Variants in RASAL2 observed in about 807,000 individuals in gnomAD.
The protein encoded by RASAL2 is ras GTPase-activating protein nGAP.
RASAL2 carries 58 observed loss-of-function variants against 128.9 expected under a neutral mutation model. The observed-to-expected ratio is 0.45, with a 90% CI of 0.36 to 0.56. The LOEUF (loss-of-function observed/expected upper bound fraction) is 0.56. Ranked by LOEUF, RASAL2 falls within the 20% of genes least tolerant of loss-of-function variation. The probability of loss-of-function intolerance (pLI) is 0.00; values close to 1 mark genes in which losing one functional copy is unlikely to be tolerated. For synonymous variants in RASAL2, 561 were observed against 580.8 expected (o/e 0.97, Z 0.49); for missense variants, 1,360 against 1,601.6 (o/e 0.85, Z 2.57).
intron 3 of RASAL2, among the ~76,000 whole-genome samples, chr1:178,320,255 G>T (rs1668693412): frequency 6.6e-6 from 1 of 152,134 alleles, no homozygotes; most frequent in South Asian, 2.1e-4. Flanking sequence ...TTGTTTGTCT[G>T]TGCCCTGCCC....
At chr1:178,367,811 G>A (rs1245246240) in intron 3 of RASAL2, among the ~76,000 whole-genome samples, 4 of 152,124 alleles carry the variant, frequency 2.6e-5, no homozygotes, top group Non-Finnish European at 4.4e-5. Flanking sequence ...GAAATAAAAC[G>A]TTATTTGACC....
At chr1:178,247,891 C>A (rs984325147) in intron 1 of RASAL2, among the ~76,000 whole-genome samples, 2 of 152,164 alleles carry the variant, frequency 1.3e-5, no homozygotes, top group Non-Finnish European at 2.9e-5. Flanking sequence ...GAGTGAGTTT[C>A]TTAATCCTGA....
chr1:178,470,738 C>T (rs569990662), intron 17 of RASAL2: 13 of 1,364,862 alleles, frequency 9.5e-6, no homozygotes, highest in Admixed American at 3.8e-5. Context: ...GTAAACCCCG[C>T]GTCCGTTCTC....
intron 1 of RASAL2, among the ~76,000 whole-genome samples, chr1:178,255,650 A>G (rs12065186): frequency 2.6e-5 from 4 of 152,024 alleles, no homozygotes; most frequent in Non-Finnish European, 4.4e-5. Context: ...TTCTAGTGAG[A>G]TATGTATGGT....
intron 3 of RASAL2, among the ~76,000 whole-genome samples, chr1:178,337,597 C>T (rs1010977636): frequency 5.3e-5 from 8 of 152,128 alleles, no homozygotes; most frequent in Non-Finnish European, 7.4e-5. Context: ...CAAGAGCCAG[C>T]ACACTTACAG....
intron 4 of RASAL2, chr1:178,412,032 T>A: frequency 4.0e-5 from 16 of 395,068 alleles, no homozygotes; most frequent in South Asian, 1.5e-4. Flanking sequence ...CTCCTCAAAA[T>A]ACTTTCTGAA....
chr1:178,132,766 A>AT (rs35326037), intron 1 of RASAL2, among the ~76,000 whole-genome samples: 2,859 of 130,058 alleles, frequency 0.022, 71 homozygotes, highest in Non-Finnish European at 0.026. Context: ...ACAATTCAGA[A>AT]TTTTTTTTTT....
intron 1 of RASAL2, among the ~76,000 whole-genome samples, chr1:178,202,725 G>C (rs753005261): frequency 6.6e-6 from 1 of 152,208 alleles, no homozygotes; most frequent in Non-Finnish European, 1.5e-5. Flanking sequence ...GAAGGTATTT[G>C]TATCCCATGT....
intron 3 of RASAL2, among the ~76,000 whole-genome samples, chr1:178,304,064 G>A (rs1667883725): frequency 1.3e-5 from 2 of 152,298 alleles, no homozygotes; most frequent in African/African-American, 4.8e-5. Flanking sequence ...TTGAGCATAT[G>A]TGTGTTATAC....
At chr1:178,175,314 T>C (rs538275098) in intron 1 of RASAL2, among the ~76,000 whole-genome samples, 1 of 151,882 alleles carries the variant, frequency 6.6e-6, no homozygotes, top group Non-Finnish European at 1.5e-5. Context: ...CCTGCAAGGG[T>C]TTATGATGAA....
chr1:178,388,709 A>G (rs1422118613), intron 3 of RASAL2, among the ~76,000 whole-genome samples: 1 of 152,218 alleles, frequency 6.6e-6, no homozygotes. Flanking sequence ...TTGGATTTTC[A>G]TAGGAGGAAT....
Position 178,454,574 on chromosome 1 carries a change from G to T in RASAL2, c.2137G>T (p.Gly713Cys). 2 of 1,613,892 alleles carry T rather than the reference G, an allele frequency of 1.2e-6. No individual in the cohort carries two copies. Among genetic ancestry groups the T allele is most frequent in the Non-Finnish European group, 1.7e-6 (2 of 1,179,834 alleles). Residue 713 changes from glycine to cysteine, a missense_variant, in exon 12 of 18, where the codon GGT becomes TGT. Transcript: ENST00000367649. The part of the protein sequence containing the change: ...DTISNTPGFD[G>C]YIDLGRELSV... ...CATCTCAAACACCCCAGGCTTTGATGGTTACATTGATCTGGGCCGAGAGCT... is the reference window on the plus strand; with the variant it reads ...CATCTCAAACACCCCAGGCTTTGATTGTTACATTGATCTGGGCCGAGAGCT...
intron 5 of RASAL2, among the ~76,000 whole-genome samples, chr1:178,438,663 A>G (rs1271194227): frequency 1.3e-5 from 2 of 152,028 alleles, no homozygotes; most frequent in Non-Finnish European, 2.9e-5. Flanking sequence ...ATCAGCCAGG[A>G]TGACTGAACG....
intron 2 of RASAL2, among the ~76,000 whole-genome samples, chr1:178,294,957 G>A (rs1183811308): frequency 1.3e-5 from 2 of 151,964 alleles, no homozygotes; most frequent in Non-Finnish European, 2.9e-5. Context: ...AGATACTAGT[G>A]GTCATGTTGA....
chr1:178,286,992 C>T (rs891211227), intron 2 of RASAL2, among the ~76,000 whole-genome samples: 3 of 152,068 alleles, frequency 2.0e-5, no homozygotes, highest in African/African-American at 7.2e-5. Context: ...AATCCTTCAA[C>T]CCTTCTGAGA....
intron 1 of RASAL2, among the ~76,000 whole-genome samples, chr1:178,105,124 A>G (rs914326645): frequency 6.6e-6 from 1 of 152,230 alleles, no homozygotes; most frequent in African/African-American, 2.4e-5. Context: ...CCAGTTTTAT[A>G]GCATGGGATT....
intron 5 of RASAL2, among the ~76,000 whole-genome samples, chr1:178,429,911 T>G (rs937368019): frequency 2.0e-5 from 3 of 152,220 alleles, no homozygotes; most frequent in African/African-American, 2.4e-5. Flanking sequence ...CCCTTCTTTT[T>G]GGTATTCTTC....
In RASAL2 at chr1:178,443,000, G is replaced by A; in HGVS notation, c.1253G>A (p.Ser418Asn). The change falls in exon 8 of 18, where the codon AGT becomes AAT. Residue 418 changes from serine (S) to asparagine (N), a missense_variant. Ser to Asn is a conservative substitution (Grantham distance 46). Coordinates refer to ENST00000367649, the MANE Select transcript of RASAL2 (RefSeq NM_170692.4). ...TTTGTAGAAAAGTGGTATCCAGTGA[G>A]TACACCTACACCCAACAAAGGAAAG... ...RQFVEKWYPV[S>N]TPTPNKGKTG... 1 of 1,614,060 alleles carries A rather than the reference G, an allele frequency of 6.2e-7. No individual in the cohort carries two copies. The highest frequency in any genetic ancestry group is 8.5e-7 in the Non-Finnish European group (1 of 1,179,970).
intron 6 of RASAL2, 80 bp from the exon 7 acceptor site, chr1:178,441,469 A>G (rs1676646532): frequency 5.5e-6 from 5 of 917,316 alleles, no homozygotes; most frequent in Admixed American, 3.8e-5. Flanking sequence ...TTTAAGAGTT[A>G]GAGGTATGCT....
Sources: gnomAD v4.1 joint callset for allele counts (sites outside exome capture counted in the v4.1 genomes callset) on GRCh38, gnomAD v4.1.1 for gene constraint, MANE v1.5 for transcripts, NCBI Gene and HGNC (gene_info 2026-07-23, HGNC 2026-07-21) for gene names.